GPC6: variants seen among roughly 807,000 people sequenced by gnomAD.
GPC6 encodes glypican-6.
GPC6 carries 14 observed loss-of-function variants against 55.2 expected under a neutral mutation model. The ratio of observed to expected loss-of-function variants is 0.25; its 90% CI spans 0.17 to 0.40. The LOEUF is 0.40. Ranked by LOEUF, GPC6 falls within the 10% of genes least tolerant of loss-of-function variation. The pLI is 1.00. For missense variants in GPC6, 641 were observed against 708.5 expected (o/e 0.90, Z 1.08); for synonymous variants, 278 against 259.6 (o/e 1.07, Z -0.68).
At chr13:93,310,972 GA>G (rs1352165060) in intron 1 of GPC6, among the ~76,000 whole-genome samples, 1 of 152,072 alleles carries the variant, frequency 6.6e-6, no homozygotes, top group Non-Finnish European at 1.5e-5. Context: ...TTTATCTGAT[GA>G]AAAAATATTG....
At chr13:93,778,565 A>G (rs1885539193) in intron 2 of GPC6, among the ~76,000 whole-genome samples, 1 of 152,184 alleles carries the variant, frequency 6.6e-6, no homozygotes, top group Non-Finnish European at 1.5e-5. Flanking sequence ...ACATCAATGC[A>G]CTTGCTTAGA....
chr13:93,339,377 TAA>T (rs3074917), intron 1 of GPC6, among the ~76,000 whole-genome samples: 30 of 137,454 alleles, frequency 2.2e-4, no homozygotes, highest in African/African-American at 3.2e-4. Flanking sequence ...CATCATCTAT[TAA>T]AAAAAAAAAA....
intron 1 of GPC6, among the ~76,000 whole-genome samples, chr13:93,379,790 T>G (rs1054038864): frequency 6.6e-6 from 1 of 152,154 alleles, no homozygotes; most frequent in African/African-American, 2.4e-5. Context: ...TATATGTAAC[T>G]TTTATTAATC....
chr13:94,149,843 C>T (rs780507613), intron 4 of GPC6, among the ~76,000 whole-genome samples: 8 of 152,010 alleles, frequency 5.3e-5, no homozygotes, highest in South Asian at 2.1e-4. Context: ...TCACACACTT[C>T]GCACGTTCTA....
At position 93,793,118 on chromosome 13, in the gene GPC6, T is replaced by C. The variant is rs139196169; in HGVS notation, c.320-37036T>C. The stretch of plus-strand genomic sequence containing the variant: ...GATAGACATTTTCTAGGTCACGTTC[T>C]GAACATCTTGAGATATCTGTTGTAC... On this transcript the variant is annotated intron_variant, in intron 2 of 8. Coordinates refer to ENST00000377047, the MANE Select transcript of GPC6 (RefSeq NM_005708.5). Among the ~76,000 whole-genome samples the C allele has an allele frequency of 6.2e-3, 951 of 152,354 alleles. 5 individuals carry two copies. Among genetic ancestry groups the C allele is most frequent in the Middle Eastern group, 0.02 (6 of 294 alleles).
intron 4 of GPC6, among the ~76,000 whole-genome samples, chr13:94,089,475 T>G: frequency 6.6e-6 from 1 of 152,200 alleles, no homozygotes; most frequent in African/African-American, 2.4e-5. Context: ...GTATCAACAC[T>G]GTGGCTTCTG....
intron 3 of GPC6, among the ~76,000 whole-genome samples, chr13:93,894,756 G>A (rs1032265179): frequency 4.6e-5 from 7 of 151,946 alleles, no homozygotes; most frequent in African/African-American, 9.7e-5. Flanking sequence ...AAGGAAAATG[G>A]CCATCAAAGG....
chr13:93,280,089 C>T (rs988214382), intron 1 of GPC6, among the ~76,000 whole-genome samples: 2 of 152,108 alleles, frequency 1.3e-5, no homozygotes, highest in Admixed American at 6.5e-5. Flanking sequence ...CTGTACTTCA[C>T]CTGAAGGCAT....
chr13:93,496,649 G>A (rs978281672), intron 1 of GPC6, among the ~76,000 whole-genome samples: 1 of 152,214 alleles, frequency 6.6e-6, no homozygotes, highest in Non-Finnish European at 1.5e-5. Flanking sequence ...CAGTGGAGGA[G>A]CATATAGACT....
chr13:93,423,836 T>C (rs978213911), intron 1 of GPC6, among the ~76,000 whole-genome samples: 21 of 152,070 alleles, frequency 1.4e-4, no homozygotes, highest in Admixed American at 2.6e-4. Flanking sequence ...ATCTCATTAA[T>C]AGAGATGGCT....
At chr13:93,405,671 A>C (rs2139237743) in intron 1 of GPC6, among the ~76,000 whole-genome samples, 1 of 152,180 alleles carries the variant, frequency 6.6e-6, no homozygotes, top group Admixed American at 6.5e-5. Context: ...AAGGATAAGT[A>C]AACTGATGTT....
intron 1 of GPC6, among the ~76,000 whole-genome samples, chr13:93,269,024 A>G (rs1166394611): frequency 1.3e-5 from 2 of 152,172 alleles, no homozygotes; most frequent in Admixed American, 1.3e-4. Flanking sequence ...TGTCATACTC[A>G]CACTTAGTTG....
chr13:93,839,280 G>A (rs1887862402), intron 3 of GPC6, among the ~76,000 whole-genome samples: 1 of 152,074 alleles, frequency 6.6e-6, no homozygotes, highest in South Asian at 2.1e-4. Flanking sequence ...TTCATAAATA[G>A]GCTGTTACTG....
intron 2 of GPC6, among the ~76,000 whole-genome samples, chr13:93,765,079 G>A (rs944145791): frequency 2.6e-5 from 4 of 152,170 alleles, no homozygotes; most frequent in Non-Finnish European, 5.9e-5. Context: ...GATTACAGGC[G>A]TGAGCCACCG....
chr13:93,985,798 C>T (rs1881004622), intron 3 of GPC6, among the ~76,000 whole-genome samples: 1 of 151,178 alleles, frequency 6.6e-6, no homozygotes, highest in African/African-American at 2.4e-5. Context: ...ATCTGGAATG[C>T]AGACAGCCAT....
intron 2 of GPC6, among the ~76,000 whole-genome samples, chr13:93,634,974 C>T (rs1409798914): frequency 6.6e-6 from 1 of 152,062 alleles, no homozygotes; most frequent in East Asian, 1.9e-4. Flanking sequence ...TATAATGAAG[C>T]GTAGAGCTGA....
At chr13:93,410,328 CA>C (rs914744827) in intron 1 of GPC6, among the ~76,000 whole-genome samples, 9 of 152,102 alleles carry the variant, frequency 5.9e-5, no homozygotes, top group Non-Finnish European at 1.3e-4. Context: ...CACTTTCTAT[CA>C]GTATTCATTT....
chr13:93,355,100 A>G (rs1181046879), intron 1 of GPC6, among the ~76,000 whole-genome samples: 1 of 152,214 alleles, frequency 6.6e-6, no homozygotes, highest in Non-Finnish European at 1.5e-5. Context: ...ATCCTCTTCA[A>G]AATATAAGCA....
At chr13:94,288,528 C>T (rs1428280420) in intron 5 of GPC6, among the ~76,000 whole-genome samples, 1 of 151,370 alleles carries the variant, frequency 6.6e-6, no homozygotes, top group Non-Finnish European at 1.5e-5. Flanking sequence ...CCCTGCCTAC[C>T]TTCTAACCTT....
Sources: allele counts gnomAD v4.1 joint callset (sites outside exome capture counted in the v4.1 genomes callset), GRCh38; gene constraint gnomAD v4.1.1; transcripts MANE v1.5; gene names NCBI Gene and HGNC (gene_info 2026-07-23, HGNC 2026-07-21).